Variants in PCDH15 observed in about 807,000 individuals in gnomAD.
PCDH15 encodes the protein protocadherin related 15, also known as protocadherin-15.
PCDH15 carries 129 observed loss-of-function variants against 178.5 expected under a neutral mutation model. The ratio of observed to expected loss-of-function variants is 0.72; its 90% confidence interval spans 0.63 to 0.84. PCDH15 has a LOEUF of 0.84. PCDH15 is among the 40% of genes least tolerant of loss of function. The pLI, the probability that PCDH15 is intolerant of heterozygous loss-of-function variation, is 0.00. For synonymous variants in PCDH15, 800 were observed against 732.0 expected (o/e 1.09, Z -1.50); for missense variants, 2,230 against 2,099.9 (o/e 1.06, Z -1.21).
chr10:54,443,234 A>T (rs1438087934), intron 3 of PCDH15, among the ~76,000 whole-genome samples: 1 of 151,576 alleles, frequency 6.6e-6, no homozygotes, highest in Non-Finnish European at 1.5e-5. Context: ...TCTCCTTCTT[A>T]GTCCCTATAT....
chr10:55,052,640 C>T lies in PCDH15; in HGVS notation c.-80+113936G>A, dbSNP rs944772600. 1.2e-4 allele frequency among the ~76,000 whole-genome samples: 18 copies of T among 150,884 alleles called. 1 individual carries two copies. Among genetic ancestry groups the T allele is most frequent in the Admixed American group, 1.1e-3 (17 of 15,130 alleles). ...CTGAGGTGGGAGGATCGCTGGAACCCGGGAGGCGGAGGTTGTGGTGAGCCG... is the reference window on the plus strand; with the variant it reads ...CTGAGGTGGGAGGATCGCTGGAACCTGGGAGGCGGAGGTTGTGGTGAGCCG... On this transcript the variant is annotated intron_variant, in intron 2 of 5. Coordinates refer to the PCDH15 transcript ENST00000458638.
chr10:54,020,231 T>C lies in PCDH15; in HGVS notation c.2712A>G (p.Thr904=). ...TGACAGTAGCAATACCAGGTGGCAT[T>C]GTTCCATAAATATCAAAGGCCTCTA... is the stretch of plus-strand genomic sequence containing the variant. ...FLVEAFDIYG[T]MPPGIATVTV... The change falls in exon 20 of 38, where the codon ACA becomes ACG. Residue 904 remains threonine, a synonymous_variant. Coordinates refer to ENST00000644397, the MANE Select transcript of PCDH15 (RefSeq NM_001384140.1). 1 of 1,613,740 alleles carries C rather than the reference T, an allele frequency of 6.2e-7. No individual in the cohort carries two copies. The highest frequency in any genetic ancestry group is 1.3e-5 in the African/African-American group (1 of 75,012).
chr10:53,966,111 G>A (rs2088986674), intron 21 of PCDH15, among the ~76,000 whole-genome samples: 1 of 150,592 alleles, frequency 6.6e-6, no homozygotes, highest in South Asian at 2.1e-4. Flanking sequence ...AAGATTGTAT[G>A]TATACAAATA....
At chr10:55,324,392 G>A (rs572518436), upstream of PCDH15, among the ~76,000 whole-genome samples, 155 of 152,184 alleles carry the variant, frequency 1.0e-3, no homozygotes, top group Non-Finnish European at 1.9e-3. Context: ...AAGGGATGGA[G>A]AAAAATCTAC....
At chr10:54,966,431 G>C (rs1246247008) in intron 2 of PCDH15, among the ~76,000 whole-genome samples, 3 of 152,054 alleles carry the variant, frequency 2.0e-5, no homozygotes, top group Non-Finnish European at 4.4e-5. Flanking sequence ...CATAAACCTA[G>C]ATGGTATATC....
At chr10:55,003,801 C>T (rs887084392) in intron 2 of PCDH15, among the ~76,000 whole-genome samples, 1 of 152,206 alleles carries the variant, frequency 6.6e-6, no homozygotes, top group African/African-American at 2.4e-5. Flanking sequence ...CATACCTTAT[C>T]TACACATTCC....
At chr10:54,430,406 T>C (rs971098828) in intron 3 of PCDH15, among the ~76,000 whole-genome samples, 1 of 152,140 alleles carries the variant, frequency 6.6e-6, no homozygotes, top group African/African-American at 2.4e-5. Flanking sequence ...GGATAGAACA[T>C]GTGTTAGATC....
Position 53,982,833 on chromosome 10 carries a change from AT to A in PCDH15, c.2868+12815del, listed in dbSNP as rs540912750. 4.2e-3 allele frequency among the ~76,000 whole-genome samples: 638 copies of A among 150,930 alleles called. 5 individuals carry two copies. Among genetic ancestry groups the A allele is most frequent in the African/African-American group, 0.015 (609 of 41,322 alleles). On this transcript the variant is annotated intron_variant, in intron 21 of 37. Transcript: ENST00000644397. ...CTTAAAGTATAATAATAATAAAAAA[AT>A]ATAAAAAAAGAAAATATAATGGACT...
chr10:53,842,621 T>C (rs1056276423), intron 28 of PCDH15, among the ~76,000 whole-genome samples: 2 of 152,212 alleles, frequency 1.3e-5, no homozygotes, highest in Non-Finnish European at 2.9e-5. Flanking sequence ...ATAAAGCTTT[T>C]ACACAGTTCC....
intron 3 of PCDH15, among the ~76,000 whole-genome samples, chr10:54,807,835 T>G (rs1417233120): frequency 6.6e-6 from 1 of 151,408 alleles, no homozygotes; most frequent in Admixed American, 6.6e-5. Context: ...ATAAAGCTTT[T>G]ATTTTTAGGC....
intron 9 of PCDH15, among the ~76,000 whole-genome samples, chr10:54,215,189 CTTAT>C (rs58437347): frequency 0.69 from 105,113 of 151,434 alleles, 37,594 homozygotes; most frequent in African/African-American, 0.78. Flanking sequence ...GATTAAATGA[CTTAT>C]TTAAGTTAAA....
chr10:55,043,448 C>T (rs1840917710), intron 2 of PCDH15, among the ~76,000 whole-genome samples: 1 of 152,030 alleles, frequency 6.6e-6, no homozygotes, highest in Admixed American at 6.6e-5. Flanking sequence ...CACAGTGACA[C>T]CTGTAATCTC....
chr10:54,622,076 T>C (rs1244315966), intron 2 of PCDH15, among the ~76,000 whole-genome samples: 1 of 95,828 alleles, frequency 1.0e-5, no homozygotes, highest in Non-Finnish European at 2.4e-5. Flanking sequence ...ATAAGGTGAG[T>C]GATATATAGT....
intron 2 of PCDH15, among the ~76,000 whole-genome samples, chr10:54,639,153 T>C (rs781763248): frequency 6.6e-6 from 1 of 152,188 alleles, no homozygotes; most frequent in Non-Finnish European, 1.5e-5. Flanking sequence ...GATGTTTTCT[T>C]ATAGAATTGA....
intron 8 of PCDH15, among the ~76,000 whole-genome samples, chr10:54,302,670 AT>A (rs2060210986): frequency 6.6e-6 from 1 of 152,078 alleles, no homozygotes; most frequent in Non-Finnish European, 1.5e-5. Flanking sequence ...AGTTTGTGGT[AT>A]TTTTTATGGC....
chr10:53,891,283 C>A (rs2081538407), intron 26 of PCDH15, among the ~76,000 whole-genome samples: 1 of 152,124 alleles, frequency 6.6e-6, no homozygotes, highest in African/African-American at 2.4e-5. Context: ...AAGGGAGAAC[C>A]AAATGTCAGT....
At chr10:53,824,253 A>G (rs1015088780) in intron 32 of PCDH15, among the ~76,000 whole-genome samples, 5 of 152,048 alleles carry the variant, frequency 3.3e-5, no homozygotes, top group Admixed American at 2.0e-4. Flanking sequence ...AAAGATCACA[A>G]ATTAAATGGC....
intron 21 of PCDH15, among the ~76,000 whole-genome samples, chr10:53,969,703 T>C (rs2089467362): frequency 6.6e-6 from 1 of 152,196 alleles, no homozygotes; most frequent in Non-Finnish European, 1.5e-5. Flanking sequence ...GGGACAATAT[T>C]CAACATTCTT....
intron 2 of PCDH15, among the ~76,000 whole-genome samples, chr10:55,545,214 T>C (rs537382538): frequency 6.6e-6 from 1 of 151,800 alleles, no homozygotes; most frequent in South Asian, 2.1e-4. Flanking sequence ...GTCACTACAA[T>C]TGGCTCAAAG....
Sources: allele counts gnomAD v4.1 joint callset (sites outside exome capture counted in the v4.1 genomes callset), GRCh38; gene constraint gnomAD v4.1.1; transcripts MANE v1.5; gene names NCBI Gene and HGNC (gene_info 2026-07-23, HGNC 2026-07-21).